Variants in INO80D observed in about 807,000 individuals in gnomAD.
INO80D encodes the protein INO80 complex subunit D.
A neutral mutation model predicts 87.6 loss-of-function variants in INO80D; 21 were observed. The observed-to-expected ratio is 0.24, with a 90% CI of 0.17 to 0.35. The LOEUF is 0.35. INO80D is among the 10% of genes least tolerant of loss of function. The pLI is 1.00. For missense variants in INO80D, 982 were observed against 1,280.7 expected, an observed-to-expected ratio of 0.77 and a Z score of 3.56; for synonymous variants, 440 against 491.0, an observed-to-expected ratio of 0.90 and a Z score of 1.37.
Position 206,056,675 on chromosome 2 carries a change from C to G in INO80D, c.487G>C (p.Gly163Arg). 1 of 1,613,472 alleles carries G rather than the reference C, an allele frequency of 6.2e-7. No individual in the cohort carries two copies. The highest frequency in any genetic ancestry group is 1.1e-5 in the South Asian group (1 of 90,956). The change falls in exon 4 of 11, where the codon GGG becomes CGG. Residue 163 changes from glycine (G) to arginine (R), a missense_variant. Transcript: ENST00000403263. Reference sequence around the variant, plus strand: ...TGCAACTTCTTTCTCACAGTTGCCCCTTTCTTTAGGTCATCATCTTCCTCA... The same window carrying G: ...TGCAACTTCTTTCTCACAGTTGCCCGTTTCTTTAGGTCATCATCTTCCTCA... ...FNEEDDDLKKGATVRKKLQSK... is the reference protein window; with the variant it reads ...FNEEDDDLKKRATVRKKLQSK...
rs1688406981 is a variant in INO80D, at chr2:206,019,635, T to A, written c.1408+101A>T. ...TAAAATTATTTTAAACATTAAACAG[T>A]TATGGTTTCAAAAGTCATTCACTTG... On this transcript the variant is annotated intron_variant, in intron 7 of 10. Transcript: ENST00000403263. The A allele has an allele frequency of 2.0e-5, 15 of 751,156 alleles. No homozygotes were observed. In the South Asian group the frequency reaches 3.0e-4, roughly 15 times the overall value. The allele number at this position is 751,156 out of a possible 1,614,324, so 46.5% of individuals were successfully genotyped here.
At chr2:206,008,938 C>A (rs1164125454) in intron 9 of INO80D, among the ~76,000 whole-genome samples, 1 of 152,136 alleles carries the variant, frequency 6.6e-6, no homozygotes, top group Admixed American at 6.6e-5. Flanking sequence ...AATGTTTAAC[C>A]CTGCCAAAAT....
intron 1 of INO80D, chr2:206,063,809 T>A (rs377370734): frequency 6.6e-6 from 1 of 152,340 alleles, no homozygotes; most frequent in East Asian, 1.9e-4. Context: ...ACCAAATGAA[T>A]GTCACAGGTA....
In INO80D at chr2:205,994,338, G is replaced by C. The variant is rs1687768765; in HGVS notation, c.*10030C>G. 6.6e-6 allele frequency: 1 copy of C among 152,120 alleles called. No homozygotes were observed. Among genetic ancestry groups the C allele is most frequent in the Non-Finnish European group, 1.5e-5 (1 of 68,016 alleles). The allele number at this position is 152,120 out of a possible 1,614,324, so 9.4% of individuals were successfully genotyped here. The stretch of plus-strand genomic sequence containing the variant: ...CATACTTGGGTGCCAAGGTGAATGA[G>C]AACACTGAAAAAGAAGGGCTTTGAG... On this transcript the variant is annotated 3_prime_UTR_variant, in exon 11 of 11. Coordinates refer to ENST00000403263, the MANE Select transcript of INO80D (RefSeq NM_017759.5).
chr2:206,025,542 A>AAAAAAAAATATATATATATAT (rs71301548), intron 6 of INO80D: 1 of 76,934 alleles, frequency 1.3e-5, no homozygotes, highest in African/African-American at 4.4e-5. Flanking sequence ...AAAAAAAAAA[A>AAAAAAAAATATATATATATAT]ATATATATAT....
At chr2:206,072,140 T>G (rs1221973349) in intron 1 of INO80D, among the ~76,000 whole-genome samples, 2 of 152,162 alleles carry the variant, frequency 1.3e-5, no homozygotes, top group Admixed American at 1.3e-4. Context: ...GTCACTTTCT[T>G]GAGAGAAAGC....
intron 5 of INO80D, among the ~76,000 whole-genome samples, chr2:206,031,742 T>C (rs934736656): frequency 3.9e-5 from 6 of 152,170 alleles, no homozygotes; most frequent in Non-Finnish European, 8.8e-5. Flanking sequence ...GAGGCTTGCA[T>C]AGTGAATTTT....
Position 206,009,616 on chromosome 2 carries a change from G to C in INO80D, c.1721C>G (p.Pro574Arg). Residue 574 changes from proline (P) to arginine (R), a missense_variant, in exon 9 of 11, where the codon CCC becomes CGC. Coordinates refer to ENST00000403263, the MANE Select transcript of INO80D (RefSeq NM_017759.5). The stretch of plus-strand genomic sequence containing the variant: ...CTCCACTGGCAGTGAGACGCTGGCG[G>C]GCATGCTGAGGTTCCCTTGGGGGAC... ...PAVPQGNLSMPASVSLPVEAS... is the reference protein window; with the variant it reads ...PAVPQGNLSMRASVSLPVEAS... 1 of 1,613,836 alleles carries C rather than the reference G, an allele frequency of 6.2e-7. No homozygotes were observed. The highest frequency in any genetic ancestry group is 1.1e-5 in the South Asian group (1 of 91,072).
chr2:206,011,276 G>C (rs1688167986), intron 8 of INO80D, among the ~76,000 whole-genome samples: 2 of 152,080 alleles, frequency 1.3e-5, no homozygotes, highest in Non-Finnish European at 2.9e-5. Flanking sequence ...GAAGTTAGGG[G>C]GCTCTCACCC....
intron 1 of INO80D, among the ~76,000 whole-genome samples, chr2:206,083,063 AAAGTT>A (rs1326043068): frequency 2.0e-5 from 3 of 152,224 alleles, no homozygotes; most frequent in Non-Finnish European, 4.4e-5. Context: ...TTAGTAGTTT[AAAGTT>A]AATTCAGTAT....
intron 4 of INO80D, among the ~76,000 whole-genome samples, chr2:206,048,927 C>A (rs922907419): frequency 1.3e-5 from 2 of 152,130 alleles, no homozygotes; most frequent in African/African-American, 4.8e-5. Flanking sequence ...AGTTTTATAT[C>A]TTGAAGAGGT....
chr2:206,034,626 C>G (rs1438095643), intron 5 of INO80D, among the ~76,000 whole-genome samples: 1 of 150,850 alleles, frequency 6.6e-6, no homozygotes, highest in Non-Finnish European at 1.5e-5. Flanking sequence ...AACAAACCCA[C>G]AGCCAACATA....
intron 4 of INO80D, among the ~76,000 whole-genome samples, chr2:206,051,725 T>C (rs1276481278): frequency 1.3e-5 from 2 of 152,114 alleles, no homozygotes; most frequent in Non-Finnish European, 2.9e-5. Context: ...GGTCCCGAAC[T>C]CCTGGGCTCA....
intron 5 of INO80D, among the ~76,000 whole-genome samples, chr2:206,028,974 A>C (rs1422818965): frequency 6.6e-6 from 1 of 151,066 alleles, no homozygotes; most frequent in African/African-American, 2.4e-5. Flanking sequence ...TGCAAGCTCC[A>C]TCTCCTGGGT....
intron 8 of INO80D, among the ~76,000 whole-genome samples, chr2:206,013,170 T>C (rs1688224054): frequency 6.6e-6 from 1 of 152,112 alleles, no homozygotes; most frequent in Admixed American, 6.6e-5. Flanking sequence ...AGTCTTAGGT[T>C]TGCCTCATTG....
intron 5 of INO80D, among the ~76,000 whole-genome samples, chr2:206,032,237 G>GA (rs1044175670): frequency 8.5e-5 from 13 of 152,316 alleles, no homozygotes; most frequent in African/African-American, 3.1e-4. Context: ...CACAGGTGGG[G>GA]AAAGAACCAA....
chr2:206,011,471 C>G (rs946602265), intron 8 of INO80D, among the ~76,000 whole-genome samples: 5 of 152,310 alleles, frequency 3.3e-5, no homozygotes, highest in Admixed American at 2.0e-4. Context: ...GCCCCCACCC[C>G]CTGAGGCTTT....
chr2:206,081,755 T>TC (rs1553623226), intron 1 of INO80D, among the ~76,000 whole-genome samples: 1 of 93,474 alleles, frequency 1.1e-5, no homozygotes, highest in African/African-American at 3.3e-5. Context: ...AGACCCTGTC[T>TC]CAAAAAAAAA....
intron 6 of INO80D, among the ~76,000 whole-genome samples, chr2:206,021,000 C>G (rs904626937): frequency 9.2e-5 from 14 of 151,632 alleles, no homozygotes; most frequent in African/African-American, 3.4e-4. Flanking sequence ...AGGGAGATCC[C>G]CATCTCTATT....
Sources: allele counts gnomAD v4.1 joint callset (sites outside exome capture counted in the v4.1 genomes callset), GRCh38; gene constraint gnomAD v4.1.1; transcripts MANE v1.5; gene names NCBI Gene and HGNC (gene_info 2026-07-23, HGNC 2026-07-21).